NSUN7: variants seen among roughly 807,000 people sequenced by gnomAD.
The protein encoded by NSUN7 is protein NSUN7.
NSUN7 carries 39 observed loss-of-function variants against 58.5 expected under a neutral mutation model. That is an observed-to-expected ratio of 0.67 (90% CI 0.52 to 0.87). The LOEUF is 0.87. Among genes scored for constraint, NSUN7 ranks in the 40% least tolerant of loss-of-function variants. The pLI, the probability that NSUN7 is intolerant of heterozygous loss-of-function variation, is 0.00. For missense variants in NSUN7, 765 were observed against 844.1 expected (o/e 0.91, Z 1.16); for synonymous variants, 278 against 303.7 (o/e 0.92, Z 0.88).
chr4:40,754,134 CCTG>C (rs58184531), intron 2 of NSUN7, among the ~76,000 whole-genome samples: 2,467 of 150,164 alleles, frequency 0.016, 63 homozygotes, highest in African/African-American at 0.058. Flanking sequence ...TAATTAGGAG[CCTG>C]CTATTTTCCT....
chr4:40,759,905 G>A (rs1259274011), intron 2 of NSUN7, among the ~76,000 whole-genome samples: 1 of 152,148 alleles, frequency 6.6e-6, no homozygotes, highest in Non-Finnish European at 1.5e-5. Flanking sequence ...GCCAGGTGTG[G>A]TGGTGCATAC....
intron 7 of NSUN7, chr4:40,776,547 G>T (rs1252883279): frequency 9.1e-6 from 2 of 220,104 alleles, no homozygotes; most frequent in Admixed American, 1.1e-4. Context: ...TAATAAATAA[G>T]AATGATTATC....
intron 4 of NSUN7, among the ~76,000 whole-genome samples, chr4:40,769,092 T>C (rs1741875660): frequency 6.6e-6 from 1 of 152,204 alleles, no homozygotes; most frequent in African/African-American, 2.4e-5. Context: ...CATCAAGTCC[T>C]GTAACTCCAA....
chr4:40,752,985 A>G (rs1416120168), intron 2 of NSUN7, among the ~76,000 whole-genome samples: 1 of 152,154 alleles, frequency 6.6e-6, no homozygotes, highest in Non-Finnish European at 1.5e-5. Context: ...AATGAATCAA[A>G]TGAACATTTT....
intron 9 of NSUN7, among the ~76,000 whole-genome samples, chr4:40,795,512 G>T (rs1286755139): frequency 6.6e-6 from 1 of 152,096 alleles, no homozygotes; most frequent in Admixed American, 6.6e-5. Flanking sequence ...GCTTAAAAAA[G>T]CTTCAGAAAG....
intron 2 of NSUN7, among the ~76,000 whole-genome samples, chr4:40,754,656 G>C (rs1247360438): frequency 6.6e-6 from 1 of 152,152 alleles, no homozygotes; most frequent in Non-Finnish European, 1.5e-5. Context: ...AACTGCAAAG[G>C]TTATTGTGAA....
At chr4:40,773,190 C>T (rs919229106) in intron 4 of NSUN7, 10 of 152,106 alleles carry the variant, frequency 6.6e-5, no homozygotes, top group African/African-American at 1.4e-4. Context: ...CCAGGCACTG[C>T]GCTAAGAATT....
intron 11 of NSUN7, among the ~76,000 whole-genome samples, chr4:40,808,029 C>CAA (rs397878278): frequency 0.01 from 602 of 59,744 alleles, 18 homozygotes; most frequent in East Asian, 0.014. Context: ...GACTCCATCT[C>CAA]AAAAAAAAAA....
intron 10 of NSUN7, among the ~76,000 whole-genome samples, chr4:40,806,448 A>G (rs558118879): frequency 6.6e-6 from 1 of 152,336 alleles, no homozygotes; most frequent in Non-Finnish European, 1.5e-5. Context: ...AAGAAATGAT[A>G]AATTCATATT....
At chr4:40,790,509 A>T (rs564459385) in intron 7 of NSUN7, 93 bp from the exon 8 acceptor site, 1 of 796,512 alleles carries the variant, frequency 1.3e-6, no homozygotes, top group Admixed American at 3.5e-5. Flanking sequence ...GAGGTTGAGG[A>T]TTTTAAAATG....
At position 40,790,685 on chromosome 4, in the gene NSUN7, C is replaced by T; in HGVS notation, c.1120C>T (p.Pro374Ser). 1 of 1,603,944 alleles carries T rather than the reference C, an allele frequency of 6.2e-7. No homozygotes were observed. The highest frequency in any genetic ancestry group is 8.5e-7 in the Non-Finnish European group (1 of 1,175,068). Residue 374 changes from proline to serine, a missense_variant, in exon 8 of 12, where the codon CCT (proline) becomes TCT (serine). Physicochemically the swap from Pro to Ser is moderately conservative, Grantham distance 74 (BLOSUM62 -1). Coordinates refer to ENST00000381782, the MANE Select transcript of NSUN7 (RefSeq NM_024677.6). ...GAAAGTTAAAGTGATTTTGCTGCTA[C>T]CTCGTTGTTCAGGACTGGGTGTTAG... is the stretch of plus-strand genomic sequence containing the variant. ...LQKVKVILLL[P>S]RCSGLGVSNP...
At chr4:40,802,847 G>C (rs903780838) in intron 10 of NSUN7, among the ~76,000 whole-genome samples, 1 of 142,124 alleles carries the variant, frequency 7.0e-6, no homozygotes, top group Non-Finnish European at 1.5e-5. Context: ...GTGCAGGTTA[G>C]TTACATATGT....
intron 7 of NSUN7, among the ~76,000 whole-genome samples, chr4:40,787,281 A>T (rs548187118): frequency 6.6e-6 from 1 of 152,078 alleles, no homozygotes; most frequent in South Asian, 2.1e-4. Context: ...TGACCCTGCC[A>T]CATCCCCCTC....
rs533079943 is a variant in NSUN7 at position 40,780,978 on chromosome 4, G to A, written c.1036+4719G>A. On this transcript the variant is annotated intron_variant, in intron 7 of 11. Coordinates refer to ENST00000381782, the MANE Select transcript of NSUN7 (RefSeq NM_024677.6). ...GGGACTCGTGCCTGCCACCACACCC[G>A]GCTAATTTTTTGTATTTTTTTAGTA... is the stretch of plus-strand genomic sequence containing the variant. Among the ~76,000 whole-genome samples, 12 of 150,752 alleles carry A rather than the reference G, an allele frequency of 8.0e-5. No individual in the cohort carries two copies. In the South Asian group the frequency reaches 1.5e-3, roughly 18 times the overall value.
chr4:40,780,809 ATATATTTTTT>A (rs1474608038), intron 7 of NSUN7, among the ~76,000 whole-genome samples: 1 of 99,434 alleles, frequency 1.0e-5, no homozygotes, highest in African/African-American at 3.9e-5. Context: ...ATATATATAT[ATATATTTTTT>A]TTTTTTTTTT....
At chr4:40,792,625 C>G (rs368691639) in intron 8 of NSUN7, among the ~76,000 whole-genome samples, 46 of 152,276 alleles carry the variant, frequency 3.0e-4, no homozygotes, top group Middle Eastern at 3.4e-3. Flanking sequence ...GTGGCGGGCG[C>G]CTGTAGTCCC....
chr4:40,802,393 T>G (rs1170347863), intron 10 of NSUN7, among the ~76,000 whole-genome samples: 1 of 152,186 alleles, frequency 6.6e-6, no homozygotes, highest in African/African-American at 2.4e-5. Flanking sequence ...AATGAAATGG[T>G]TAACAATTTC....
At chr4:40,783,693 C>T (rs1481284727) in intron 7 of NSUN7, among the ~76,000 whole-genome samples, 1 of 151,864 alleles carries the variant, frequency 6.6e-6, no homozygotes, top group Non-Finnish European at 1.5e-5. Flanking sequence ...ACTAAAATTA[C>T]AAAAATTAGC....
At position 40,807,185 on chromosome 4, in the gene NSUN7, G is replaced by A. The variant is rs1323130031; in HGVS notation, c.1524+1G>A. ...TTTTCTTTCTATTTTAACAAGGGAGGTAAGGAAAAAAAATCCTAATCCATG... is the reference window on the plus strand; with the variant it reads ...TTTTCTTTCTATTTTAACAAGGGAGATAAGGAAAAAAAATCCTAATCCATG... On this transcript the variant is annotated splice_donor_variant, in intron 11 of 11. Transcript: ENST00000381782. LOFTEE classifies it high-confidence loss of function. The A allele has an allele frequency of 8.5e-6, 13 of 1,536,510 alleles. No individual in the cohort carries two copies. The highest frequency in any genetic ancestry group is 2.1e-5 in the Admixed American group (1 of 46,612).
Sources: gnomAD v4.1 joint callset for allele counts (sites outside exome capture counted in the v4.1 genomes callset) on GRCh38, gnomAD v4.1.1 for gene constraint, MANE v1.5 for transcripts, NCBI Gene and HGNC (gene_info 2026-07-23, HGNC 2026-07-21) for gene names.